TAFA2: variants seen among roughly 807,000 people sequenced by gnomAD.
TAFA2 encodes the protein chemokine-like protein TAFA-2.
A neutral mutation model predicts 18.8 loss-of-function variants in TAFA2; 7 were observed. The ratio of observed to expected loss-of-function variants is 0.37; its 90% CI spans 0.21 to 0.70. The LOEUF is 0.70. TAFA2 is among the 30% of genes least tolerant of loss of function. The probability of loss-of-function intolerance (pLI) is 0.53; values close to 1 mark genes in which losing one functional copy is unlikely to be tolerated. For synonymous variants in TAFA2, 60 were observed against 54.2 expected, an observed-to-expected ratio of 1.11 and a Z score of -0.47; for missense variants, 122 against 158.1, an observed-to-expected ratio of 0.77 and a Z score of 1.23.
rs560592648 is a variant in TAFA2, at chr12:61,773,951, C to T, written c.107-18927G>A. 8.5e-5 allele frequency among the ~76,000 whole-genome samples: 13 copies of T among 152,108 alleles called. No homozygotes were observed. The South Asian group carries it at 2.5e-3, about 29-fold the overall frequency. On this transcript the variant is annotated intron_variant, in intron 2 of 4. Transcript: ENST00000416284. ...TGGGAGAAAATATTCACAAACTATGCATCCCTCAAAGGACTAATATCCAGA... is the reference window on the plus strand; with the variant it reads ...TGGGAGAAAATATTCACAAACTATGTATCCCTCAAAGGACTAATATCCAGA...
intron 4 of TAFA2, among the ~76,000 whole-genome samples, chr12:61,721,976 T>G (rs903510513): frequency 2.0e-5 from 3 of 152,148 alleles, no homozygotes; most frequent in East Asian, 3.9e-4. Flanking sequence ...AAAGTTTTAT[T>G]TATACTCCCT....
In TAFA2 at chr12:61,827,972, TAA is replaced by T. The variant is rs573148832; in HGVS notation, c.106+39346_106+39347del. ...TTCATCTACTTCTCACTTTTAAAAA[TAA>T]AGACATTAATGAAGATGGATATTAA... On this transcript the variant is annotated intron_variant, in intron 2 of 4. Transcript: ENST00000416284. Among the ~76,000 whole-genome samples, 360 of 152,082 alleles carry T rather than the reference TAA, an allele frequency of 2.4e-3. 2 individuals are homozygous for T. Among genetic ancestry groups the T allele is most frequent in the African/African-American group, 8.1e-3 (338 of 41,564 alleles).
Position 62,106,124 on chromosome 12 carries a change from G to A in TAFA2, c.-2+85135C>T, listed in dbSNP as rs190080218. 7.2e-3 allele frequency among the ~76,000 whole-genome samples: 1,098 copies of A among 152,164 alleles called. 11 individuals are homozygous for A. Among genetic ancestry groups the A allele is most frequent in the Non-Finnish European group, 8.6e-3 (582 of 67,996 alleles). On this transcript the variant is annotated intron_variant, in intron 1 of 4. Transcript: ENST00000416284. ...AAGGTGGGCAGATCACCTCAGGTCA[G>A]GAGTTTGAGACCAGCCTGGCCAACA...
chr12:61,910,100 TTGTGTG>T (rs71083963), intron 1 of TAFA2, among the ~76,000 whole-genome samples: 58,663 of 144,570 alleles, frequency 0.41, 11,603 homozygotes, highest in South Asian at 0.54. Flanking sequence ...GTGTGTGTGT[TTGTGTG>T]TGTGTGTGTG....
chr12:62,000,470 T>G (rs952794402), intron 1 of TAFA2, among the ~76,000 whole-genome samples: 4 of 146,306 alleles, frequency 2.7e-5, no homozygotes, highest in African/African-American at 9.8e-5. Flanking sequence ...ACACCAGTAT[T>G]GGAAAAGTGT....
chr12:62,077,285 A>G (rs2136813490), intron 1 of TAFA2, among the ~76,000 whole-genome samples: 2 of 152,316 alleles, frequency 1.3e-5, no homozygotes, highest in South Asian at 4.1e-4. Flanking sequence ...GGATGCTTTT[A>G]TTCTGTGTTC....
upstream of TAFA2, among the ~76,000 whole-genome samples, chr12:62,195,220 G>C (rs1369721298): frequency 2.0e-5 from 3 of 152,208 alleles, no homozygotes; most frequent in Non-Finnish European, 4.4e-5. Flanking sequence ...CAAAATTGGA[G>C]TTAGTCCTCT....
At chr12:62,103,633 C>T (rs1002055469) in intron 1 of TAFA2, among the ~76,000 whole-genome samples, 2 of 151,746 alleles carry the variant, frequency 1.3e-5, no homozygotes, top group African/African-American at 4.8e-5. Context: ...CCCAGCTACT[C>T]GGGAGCCTGA....
At chr12:62,250,920 T>C (rs2062910350) in intron 1 of TAFA2, among the ~76,000 whole-genome samples, 1 of 139,354 alleles carries the variant, frequency 7.2e-6, no homozygotes, top group South Asian at 2.2e-4. Flanking sequence ...GACCAGGACC[T>C]GACCTAATCC....
chr12:61,951,633 T>A (rs1055975881), intron 1 of TAFA2, among the ~76,000 whole-genome samples: 1 of 151,990 alleles, frequency 6.6e-6, no homozygotes, highest in Non-Finnish European at 1.5e-5. Flanking sequence ...ATGAAGGGCA[T>A]AGAAGAAAAA....
At chr12:62,114,568 A>G (rs926745011) in intron 1 of TAFA2, among the ~76,000 whole-genome samples, 3 of 152,192 alleles carry the variant, frequency 2.0e-5, no homozygotes, top group Admixed American at 6.5e-5. Flanking sequence ...ACTAAGAACA[A>G]TGTTTATATC....
chr12:62,018,616 G>T (rs1175751348), intron 1 of TAFA2, among the ~76,000 whole-genome samples: 1 of 152,120 alleles, frequency 6.6e-6, no homozygotes, highest in African/African-American at 2.4e-5. Flanking sequence ...AAACTGGCTA[G>T]CCATATGGAG....
intron 1 of TAFA2, among the ~76,000 whole-genome samples, chr12:62,061,146 T>C (rs558772625): frequency 6.6e-6 from 1 of 152,194 alleles, no homozygotes; most frequent in Non-Finnish European, 1.5e-5. Context: ...TACAGTGCCA[T>C]ATAATAATGT....
chr12:62,167,274 C>T (rs1052552928), intron 1 of TAFA2, among the ~76,000 whole-genome samples: 11 of 152,004 alleles, frequency 7.2e-5, no homozygotes, highest in African/African-American at 2.4e-4. Context: ...TTGTTTTCAA[C>T]GTAAATATCT....
rs571487563 is a variant in TAFA2 at position 61,928,513 on chromosome 12, A to G, written c.-1-61087T>C. On this transcript the variant is annotated intron_variant, in intron 1 of 4. Coordinates refer to ENST00000416284, the MANE Select transcript of TAFA2 (RefSeq NM_178539.5). ...ATGGCGATCATTAAAAAGTCAGGAA[A>G]CAACAGCTGCTGGGGAGGATATGGA... is the stretch of plus-strand genomic sequence containing the variant. Among the ~76,000 whole-genome samples, 3 of 152,276 alleles carry G rather than the reference A, an allele frequency of 2.0e-5. No homozygotes were observed. In the East Asian group the frequency reaches 5.8e-4, roughly 29 times the overall value.
At chr12:61,937,278 T>G (rs1014026202) in intron 1 of TAFA2, among the ~76,000 whole-genome samples, 1 of 151,994 alleles carries the variant, frequency 6.6e-6, no homozygotes, top group Non-Finnish European at 1.5e-5. Flanking sequence ...AATATCAACA[T>G]CATTTTTCAC....
chr12:61,876,707 TA>T (rs999323956), intron 1 of TAFA2, among the ~76,000 whole-genome samples: 58 of 146,864 alleles, frequency 3.9e-4, no homozygotes, highest in Admixed American at 8.1e-4. Flanking sequence ...AACAAACCAT[TA>T]AAAAAAAAAG....
intron 1 of TAFA2, among the ~76,000 whole-genome samples, chr12:61,867,671 C>T (rs1216757846): frequency 6.6e-6 from 1 of 152,098 alleles, no homozygotes; most frequent in Non-Finnish European, 1.5e-5. Flanking sequence ...ATCCACTTAA[C>T]CACAGCCTAA....
intron 1 of TAFA2, among the ~76,000 whole-genome samples, chr12:62,142,636 A>G (rs1177640134): frequency 1.3e-5 from 2 of 152,184 alleles, no homozygotes; most frequent in African/African-American, 4.8e-5. Flanking sequence ...CCCAAGTCAG[A>G]TCTTTCTATT....
Sources: allele counts gnomAD v4.1 joint callset (sites outside exome capture counted in the v4.1 genomes callset), GRCh38; gene constraint gnomAD v4.1.1; transcripts MANE v1.5; gene names NCBI Gene and HGNC (gene_info 2026-07-23, HGNC 2026-07-21).